CTNND2: variants seen among roughly 807,000 people sequenced by gnomAD.
CTNND2 encodes the protein catenin delta 2, also known as catenin delta-2.
Under a neutral mutation model 144.4 loss-of-function variants are expected in CTNND2, and 22 were observed. That is an observed-to-expected ratio of 0.15 (90% CI 0.11 to 0.22). CTNND2 has a LOEUF of 0.22. Ranked by LOEUF, CTNND2 falls within the 10% of genes least tolerant of loss-of-function variation. CTNND2 has a pLI of 1.00. For missense variants in CTNND2, 1,353 were observed against 1,618.8 expected (o/e 0.84, Z 2.82); for synonymous variants, 751 against 695.6 (o/e 1.08, Z -1.25).
intron 9 of CTNND2, among the ~76,000 whole-genome samples, chr5:11,282,569 C>G (rs1243044310): frequency 1.3e-5 from 2 of 152,212 alleles, no homozygotes; most frequent in East Asian, 3.8e-4. Context: ...AGATCCTCCT[C>G]TGATGCATAC....
At chr5:11,796,818 T>C (rs1261837114) in intron 1 of CTNND2, among the ~76,000 whole-genome samples, 1 of 152,164 alleles carries the variant, frequency 6.6e-6, no homozygotes, top group African/African-American at 2.4e-5. Context: ...AGTAGGAAAA[T>C]ATATTGCTGC....
intron 2 of CTNND2, among the ~76,000 whole-genome samples, chr5:11,713,620 CATATAT>C (rs1230297121): frequency 6.9e-6 from 1 of 145,822 alleles, no homozygotes; most frequent in African/African-American, 2.6e-5. Flanking sequence ...CATATATATA[CATATAT>C]ATAAAGGACA....
chr5:11,248,857 C>T (rs928388440), intron 9 of CTNND2, among the ~76,000 whole-genome samples: 8 of 152,218 alleles, frequency 5.3e-5, no homozygotes, highest in African/African-American at 1.7e-4. Context: ...TTGGCTAGAA[C>T]ATGATTTAAC....
chr5:11,032,876 T>C (rs1408822574), intron 16 of CTNND2, among the ~76,000 whole-genome samples: 1 of 152,236 alleles, frequency 6.6e-6, no homozygotes, highest in Non-Finnish European at 1.5e-5. Context: ...ACTGTGACTA[T>C]GACAAGATGG....
chr5:11,359,638 C>T (rs554692000), intron 8 of CTNND2, among the ~76,000 whole-genome samples: 148 of 152,306 alleles, frequency 9.7e-4, no homozygotes, highest in African/African-American at 2.7e-3. Context: ...TTTCTATCTG[C>T]CTCCCTGTTC....
At chr5:11,183,691 G>A (rs981287103) in intron 11 of CTNND2, among the ~76,000 whole-genome samples, 2 of 151,912 alleles carry the variant, frequency 1.3e-5, no homozygotes, top group African/African-American at 4.8e-5. Context: ...CTGACTAGCT[G>A]AGATTACAGG....
intron 5 of CTNND2, among the ~76,000 whole-genome samples, chr5:11,407,871 G>A (rs555644595): frequency 2.0e-5 from 3 of 152,194 alleles, no homozygotes; most frequent in African/African-American, 4.8e-5. Flanking sequence ...TATGGTATAC[G>A]GTTGTTCCAC....
At chr5:11,851,764 T>C (rs1428936447) in intron 1 of CTNND2, among the ~76,000 whole-genome samples, 1 of 152,240 alleles carries the variant, frequency 6.6e-6, no homozygotes, top group African/African-American at 2.4e-5. Flanking sequence ...AAACACAGTA[T>C]GTTTCATAAG....
intron 9 of CTNND2, among the ~76,000 whole-genome samples, chr5:11,266,872 C>T (rs370856244): frequency 2.0e-5 from 3 of 152,120 alleles, no homozygotes; most frequent in East Asian, 1.9e-4. Flanking sequence ...TGCAAAGAGA[C>T]GACCTAAAGC....
intron 3 of CTNND2, among the ~76,000 whole-genome samples, chr5:11,497,956 G>A (rs1313688527): frequency 1.3e-5 from 2 of 152,094 alleles, no homozygotes; most frequent in Non-Finnish European, 2.9e-5. Flanking sequence ...GGCAGCACAT[G>A]CTCCTTTACC....
intron 8 of CTNND2, among the ~76,000 whole-genome samples, chr5:11,349,134 T>C (rs531886872): frequency 3.3e-5 from 5 of 152,300 alleles, no homozygotes; most frequent in East Asian, 1.9e-4. Context: ...CATGGGATCA[T>C]TGTTTAATTT....
At chr5:11,109,715 T>G (rs1407935097) in intron 14 of CTNND2, among the ~76,000 whole-genome samples, 2 of 148,834 alleles carry the variant, frequency 1.3e-5, no homozygotes, top group Non-Finnish European at 3.0e-5. Flanking sequence ...CTTAGTGCCT[T>G]TATGAACATT....
chr5:11,862,336 T>G (rs1430936238), intron 1 of CTNND2, among the ~76,000 whole-genome samples: 1 of 152,242 alleles, frequency 6.6e-6, no homozygotes, highest in Non-Finnish European at 1.5e-5. Context: ...TCATGTTTAC[T>G]ATAGTATTTT....
intron 3 of CTNND2, among the ~76,000 whole-genome samples, 153 bp downstream of exon 3, chr5:11,564,790 CT>C (rs1415536440): frequency 1.3e-5 from 2 of 152,178 alleles, no homozygotes; most frequent in African/African-American, 4.8e-5. Flanking sequence ...TTTTGGACAC[CT>C]TTTGAACATC....
rs146661756 is a variant in CTNND2, at chr5:11,409,349, T to C, written c.439+2187A>G. Among the ~76,000 whole-genome samples the C allele has an allele frequency of 5.1e-4, 77 of 152,154 alleles. 1 individual carries two copies. In the East Asian group the frequency reaches 8.9e-3, roughly 18 times the overall value. On this transcript the variant is annotated intron_variant, in intron 5 of 21. Transcript: ENST00000304623. ...CTAGTAGCTGGTCAATTTTTATAAA[T>C]TTTCCTTGGACATATGTAACAAACA...
chr5:11,679,319 C>T (rs1415376217), intron 2 of CTNND2, among the ~76,000 whole-genome samples: 3 of 152,156 alleles, frequency 2.0e-5, no homozygotes, highest in African/African-American at 7.2e-5. Context: ...TACTGAGTAC[C>T]TATATGGGCC....
At chr5:11,399,238 C>A (rs1760415927) in intron 5 of CTNND2, among the ~76,000 whole-genome samples, 1 of 152,140 alleles carries the variant, frequency 6.6e-6, no homozygotes, top group South Asian at 2.1e-4. Flanking sequence ...AGCCTCTCCT[C>A]CCCCCTTGAG....
intron 1 of CTNND2, among the ~76,000 whole-genome samples, chr5:11,823,989 A>C (rs1335915268): frequency 6.7e-6 from 1 of 150,350 alleles, no homozygotes; most frequent in Non-Finnish European, 1.5e-5. Context: ...GATGCCTGTA[A>C]TTCCAGCTAC....
intron 1 of CTNND2, among the ~76,000 whole-genome samples, chr5:11,795,280 C>T: frequency 6.6e-6 from 1 of 152,192 alleles, no homozygotes; most frequent in Non-Finnish European, 1.5e-5. Context: ...GACCCTTCAG[C>T]TGAGCCATGA....
Sources: allele counts gnomAD v4.1 joint callset (sites outside exome capture counted in the v4.1 genomes callset), GRCh38; gene constraint gnomAD v4.1.1; transcripts MANE v1.5; gene names NCBI Gene and HGNC (gene_info 2026-07-23, HGNC 2026-07-21).